ASB18: variants seen among roughly 807,000 people sequenced by gnomAD.
The protein encoded by ASB18 is ankyrin repeat and SOCS box containing 18.
Under a neutral mutation model 33.4 loss-of-function variants are expected in ASB18, and 33 were observed. The ratio of observed to expected loss-of-function variants is 0.99; its 90% CI spans 0.75 to 1.32. ASB18 has a LOEUF of 1.32. Ranked by LOEUF, ASB18 falls within the 40% of genes most tolerant of loss-of-function variation. ASB18 has a pLI of 0.00. For missense variants in ASB18, 694 were observed against 655.5 expected (o/e 1.06, Z -0.64); for synonymous variants, 295 against 307.6 (o/e 0.96, Z 0.43).
At chr2:236,206,913 G>A (rs2060436767) in intron 4 of ASB18, among the ~76,000 whole-genome samples, 1 of 152,256 alleles carries the variant, frequency 6.6e-6, no homozygotes, top group South Asian at 2.1e-4. Context: ...TGAGTCAGGG[G>A]CTACCCACTG....
rs1323340978 is a variant in ASB18 at position 236,235,435 on chromosome 2, AT to A, written c.596+2253del. The stretch of plus-strand genomic sequence containing the variant: ...TGTTTACACAATGATGAAACAACAC[AT>A]TTCTGAGAATGTATCCCCATCGTTA... On this transcript the variant is annotated intron_variant, in intron 3 of 5. Coordinates refer to ENST00000409749, the MANE Select transcript of ASB18 (RefSeq NM_212556.4). This position sits in a 1 kb window ranked among gnomAD's most constrained non-coding sequence, Gnocchi z 6.2. 6.6e-6 allele frequency among the ~76,000 whole-genome samples: 1 copy of A among 152,220 alleles called. No homozygotes were observed. Among genetic ancestry groups the A allele is most frequent in the African/African-American group, 2.4e-5 (1 of 41,448 alleles).
rs2060622387 is a variant in ASB18 at position 236,241,797 on chromosome 2, C to T, written c.206-395G>A. Among the ~76,000 whole-genome samples the T allele has an allele frequency of 1.3e-5, 2 of 152,170 alleles. No individual in the cohort carries two copies. The highest frequency in any genetic ancestry group is 2.4e-5 in the African/African-American group (1 of 41,452). On this transcript the variant is annotated intron_variant, in intron 1 of 5. Transcript: ENST00000409749. This position sits in a 1 kb window ranked among gnomAD's most constrained non-coding sequence, Gnocchi z 4.2. ...TCTGGATAGCTCCAAAGCAGCTCTC[C>T]ATGCACCGAGGGCAGACTCCCAGCA...
At position 236,259,220 on chromosome 2, in the gene ASB18, C is replaced by T. The variant is rs2060706926; in HGVS notation, c.205+4921G>A. 6.6e-6 allele frequency among the ~76,000 whole-genome samples: 1 copy of T among 152,184 alleles called. No homozygotes were observed. Among genetic ancestry groups the T allele is most frequent in the Non-Finnish European group, 1.5e-5 (1 of 68,034 alleles). ...GAATTAAATATTTCTTTGCAGAAAC[C>T]CAAATCCCAATAGTGTCTGTGGAAA... On this transcript the variant is annotated intron_variant, in intron 1 of 5. Transcript: ENST00000409749. The surrounding 1 kb of genome is among the most constrained non-coding windows in gnomAD (Gnocchi z 4.4).
Position 236,260,005 on chromosome 2 carries a change from A to C in ASB18, c.205+4136T>G, listed in dbSNP as rs1001327854. On this transcript the variant is annotated intron_variant, in intron 1 of 5. Coordinates refer to ENST00000409749, the MANE Select transcript of ASB18 (RefSeq NM_212556.4). The surrounding 1 kb of genome is among the most constrained non-coding windows in gnomAD (Gnocchi z 5.1). ...TTGGTGATGTTGACATGGATGCATC[A>C]AAATAAATTCTGTTTCTTTCTGTTC... Among the ~76,000 whole-genome samples the C allele has an allele frequency of 6.6e-6, 1 of 152,226 alleles. No homozygotes were observed. Among genetic ancestry groups the C allele is most frequent in the Non-Finnish European group, 1.5e-5 (1 of 68,044 alleles).
At position 236,195,860 on chromosome 2, in the gene ASB18, G is replaced by C. The variant is rs745938798; in HGVS notation, c.1215+412C>G. The stretch of plus-strand genomic sequence containing the variant: ...TGGACAGTCACCTGTGGACTTTGTC[G>C]TGGATAGATGTAATCCCCATAGCTT... On this transcript the variant is annotated intron_variant, in intron 5 of 5. Transcript: ENST00000409749. The surrounding 1 kb of genome is among the most constrained non-coding windows in gnomAD (Gnocchi z 5.5). 6.6e-6 allele frequency among the ~76,000 whole-genome samples: 1 copy of C among 152,102 alleles called. No homozygotes were observed. The highest frequency in any genetic ancestry group is 1.5e-5 in the Non-Finnish European group (1 of 68,008).
At position 236,214,619 on chromosome 2, in the gene ASB18, GC is replaced by G; in HGVS notation, c.843del (p.Arg282AlafsTer88). 3 of 1,203,876 alleles carry G rather than the reference GC, an allele frequency of 2.5e-6. No homozygotes were observed. The African/African-American group carries it at 4.8e-5, about 19-fold the overall frequency. 74.6% of individuals were successfully genotyped at this position (1,203,876 alleles called of 1,614,324 possible). A position where few individuals can be genotyped will look rare whatever the true frequency, so the allele number is the denominator to read the frequency against. ...RCLRLCALLL[R>X]RGAEADARDE... ...TCGCGCGCGTCCGCCTCCGCCCCGC[GC>G]CGCAGCAGCAGCGCGCACAGGCGCA... On this transcript the variant is annotated frameshift_variant, in exon 4 of 6. Transcript: ENST00000409749. LOFTEE classifies it high-confidence loss of function. This position sits in a 1 kb window ranked among gnomAD's most constrained non-coding sequence, Gnocchi z 6.5.
intron 1 of ASB18, chr2:236,247,608 A>C (rs1398976869): frequency 6.6e-6 from 1 of 152,158 alleles, no homozygotes; most frequent in African/African-American, 2.4e-5. Flanking sequence ...GGGTCAAGTC[A>C]TTTTAATCTC....
chr2:236,194,068 T>TATGA lies in ASB18; in HGVS notation c.*800_*803dup, dbSNP rs148040196. On this transcript the variant is annotated 3_prime_UTR_variant, in exon 6 of 6. Transcript: ENST00000409749. This position sits in a 1 kb window ranked among gnomAD's most constrained non-coding sequence, Gnocchi z 4.5. Reference sequence around the variant, plus strand: ...CTGAACTAGAATAAGCACATTAGAATATGAATGAATGAATGAATGAATGAA... The same window carrying TATGA: ...CTGAACTAGAATAAGCACATTAGAATATGAATGAATGAATGAATGAATGAATGAA... Among the ~76,000 whole-genome samples, 1,887 of 151,830 alleles carry TATGA rather than the reference T, an allele frequency of 0.012. 31 individuals carry two copies. The highest frequency in any genetic ancestry group is 0.04 in the African/African-American group (1,641 of 41,160).
At position 236,259,054 on chromosome 2, in the gene ASB18, C is replaced by A. The variant is rs181787712; in HGVS notation, c.205+5087G>T. Among the ~76,000 whole-genome samples the A allele has an allele frequency of 6.6e-6, 1 of 152,322 alleles. No homozygotes were observed. Among genetic ancestry groups the A allele is most frequent in the Admixed American group, 6.5e-5 (1 of 15,300 alleles). On this transcript the variant is annotated intron_variant, in intron 1 of 5. Transcript: ENST00000409749. The surrounding 1 kb of genome is among the most constrained non-coding windows in gnomAD (Gnocchi z 4.4). ...TGCATTTGGGGGGCGAGATGGGTCTCACTGCCCCTCCCCCAGCCGTCCTTT... is the reference window on the plus strand; with the variant it reads ...TGCATTTGGGGGGCGAGATGGGTCTAACTGCCCCTCCCCCAGCCGTCCTTT...
At chr2:236,233,642 A>C (rs960547233) in intron 3 of ASB18, among the ~76,000 whole-genome samples, 7 of 152,208 alleles carry the variant, frequency 4.6e-5, no homozygotes, top group African/African-American at 1.7e-4. Flanking sequence ...TCAGAAATGG[A>C]AATTTAAATA....
chr2:236,228,273 T>C lies in ASB18; in HGVS notation c.596+9416A>G, dbSNP rs879442449. 6.6e-5 allele frequency among the ~76,000 whole-genome samples: 10 copies of C among 152,192 alleles called. No individual in the cohort carries two copies. The highest frequency in any genetic ancestry group is 4.6e-4 in the Admixed American group (7 of 15,278). On this transcript the variant is annotated intron_variant, in intron 3 of 5. Coordinates refer to ENST00000409749, the MANE Select transcript of ASB18 (RefSeq NM_212556.4). The surrounding 1 kb of genome is among the most constrained non-coding windows in gnomAD (Gnocchi z 5.1). ...CCCCAATATGATTGGCAGTATTGGA[T>C]TTCTCAACCTCCCAAAGGGCCTCTG... is the stretch of plus-strand genomic sequence containing the variant.
At chr2:236,254,261 G>A (rs2060682111) in intron 1 of ASB18, 1 of 152,214 alleles carries the variant, frequency 6.6e-6, no homozygotes, top group Admixed American at 6.5e-5. Context: ...TTTGTGGGAA[G>A]AAGTGTTACA....
Position 236,235,350 on chromosome 2 carries a change from C to G in ASB18, c.596+2339G>C, listed in dbSNP as rs765931115. ...GTAGCCTGGGAGCCAGAGGCTTAAT[C>G]ATATAGCCTAGGTGGGCAGTAGGCT... On this transcript the variant is annotated intron_variant, in intron 3 of 5. Coordinates refer to ENST00000409749, the MANE Select transcript of ASB18 (RefSeq NM_212556.4). The surrounding 1 kb of genome is among the most constrained non-coding windows in gnomAD (Gnocchi z 6.2). Among the ~76,000 whole-genome samples, 1 of 152,232 alleles carries G rather than the reference C, an allele frequency of 6.6e-6. No individual in the cohort carries two copies. Among genetic ancestry groups the G allele is most frequent in the Non-Finnish European group, 1.5e-5 (1 of 68,040 alleles).
chr2:236,258,925 T>C lies in ASB18; in HGVS notation c.205+5216A>G, dbSNP rs950296849. ...AGCATCTTGACTTGTATATAATATA[T>C]CAGCAGCAAAATCATGGAATGCTGA... On this transcript the variant is annotated intron_variant, in intron 1 of 5. Transcript: ENST00000409749. Among the ~76,000 whole-genome samples the C allele has an allele frequency of 3.3e-5, 5 of 152,328 alleles. No homozygotes were observed. The East Asian group carries it at 9.6e-4, about 29-fold the overall frequency.
Position 236,245,418 on chromosome 2 carries a change from C to T in ASB18, c.206-4016G>A, listed in dbSNP as rs2060640425. 6.6e-6 allele frequency among the ~76,000 whole-genome samples: 1 copy of T among 152,230 alleles called. No individual in the cohort carries two copies. The highest frequency in any genetic ancestry group is 2.1e-4 in the South Asian group (1 of 4,832). ...ACATAGCCAGTGCCCAAGCACCTTC[C>T]CGTGAGTAAAAGGGCTTCCTACCTT... On this transcript the variant is annotated intron_variant, in intron 1 of 5. Coordinates refer to ENST00000409749, the MANE Select transcript of ASB18 (RefSeq NM_212556.4). This position sits in a 1 kb window ranked among gnomAD's most constrained non-coding sequence, Gnocchi z 4.7.
rs950471743 is a variant in ASB18, at chr2:236,225,132, GTTTT to G, written c.597-10270_597-10267del. 1.3e-5 allele frequency among the ~76,000 whole-genome samples: 2 copies of G among 151,908 alleles called. No homozygotes were observed. Among genetic ancestry groups the G allele is most frequent in the African/African-American group, 4.8e-5 (2 of 41,376 alleles). On this transcript the variant is annotated intron_variant, in intron 3 of 5. Transcript: ENST00000409749. The surrounding 1 kb of genome is among the most constrained non-coding windows in gnomAD (Gnocchi z 5.1). Reference sequence around the variant, plus strand: ...ATGAATCATTTTTAATTTATTTTTTGTTTTTTTAAGACAGAGTCTCACTCTGTCA... The same window carrying G: ...ATGAATCATTTTTAATTTATTTTTTGTTTAAGACAGAGTCTCACTCTGTCA...
At chr2:236,206,350 G>A (rs75775028) in intron 4 of ASB18, among the ~76,000 whole-genome samples, 1,793 of 152,230 alleles carry the variant, frequency 0.012, 21 homozygotes, top group Non-Finnish European at 0.018. Context: ...GTAGGTTTAA[G>A]CCAACTGAGG....
rs916167944 is a variant in ASB18 at position 236,245,012 on chromosome 2, A to G, written c.206-3610T>C. 5.3e-5 allele frequency among the ~76,000 whole-genome samples: 8 copies of G among 152,192 alleles called. No homozygotes were observed. Among genetic ancestry groups the G allele is most frequent in the South Asian group, 2.1e-4 (1 of 4,810 alleles). On this transcript the variant is annotated intron_variant, in intron 1 of 5. Transcript: ENST00000409749. This position sits in a 1 kb window ranked among gnomAD's most constrained non-coding sequence, Gnocchi z 4.7. Reference sequence around the variant, plus strand: ...GGGATGAGGCCACGTTTGGCAGTCTATGATGCAGGGGGATAAGGGACAGAG... The same window carrying G: ...GGGATGAGGCCACGTTTGGCAGTCTGTGATGCAGGGGGATAAGGGACAGAG...
At position 236,237,888 on chromosome 2, in the gene ASB18, T is replaced by C. The variant is rs1349124210; in HGVS notation, c.397A>G (p.Thr133Ala). 10 of 1,493,622 alleles carry C rather than the reference T, an allele frequency of 6.7e-6. No individual in the cohort carries two copies. The highest frequency in any genetic ancestry group is 1.2e-5 in the South Asian group (1 of 80,626). The allele number at this position is 1,493,622 out of a possible 1,614,324, so 92.5% of individuals were successfully genotyped here. Residue 133 changes from threonine to alanine, a missense_variant, in exon 3 of 6, where the codon ACC (threonine) becomes GCC (alanine). Transcript: ENST00000409749. The surrounding 1 kb of genome is among the most constrained non-coding windows in gnomAD (Gnocchi z 6.2). ...PLCIAAAHGH[T>A]ACVRHLLGRG... ...CCGAGCAGGTGTCGCACGCAGGCGG[T>C]GTGGCCGTGGGCCGCGGCGATGCAC... is the stretch of plus-strand genomic sequence containing the variant.
Sources: gnomAD v4.1 joint callset for allele counts (sites outside exome capture counted in the v4.1 genomes callset) on GRCh38, gnomAD v4.1.1 for gene constraint, Gnocchi (gnomAD v3.1) non-coding constraint, MANE v1.5 for transcripts, NCBI Gene and HGNC (gene_info 2026-07-23, HGNC 2026-07-21) for gene names.